RHBDL3: variants seen among roughly 807,000 people sequenced by gnomAD.
The protein encoded by RHBDL3 is rhomboid like 3.
RHBDL3 carries 28 observed loss-of-function variants against 48.2 expected under a neutral mutation model. The observed-to-expected ratio is 0.58, with a 90% CI of 0.43 to 0.80. The LOEUF (loss-of-function observed/expected upper bound fraction) is 0.80, where lower values mean the gene tolerates loss of function less well. RHBDL3 is among the 30% of genes least tolerant of loss of function. The pLI is 0.00. For missense variants in RHBDL3, 464 were observed against 542.7 expected (o/e 0.85, Z 1.44); for synonymous variants, 208 against 232.3 (o/e 0.90, Z 0.95).
chr17:32,266,217 G>T lies in RHBDL3; in HGVS notation c.28G>T (p.Ala10Ser). The T allele has an allele frequency of 3.5e-6, 5 of 1,414,592 alleles. No individual in the cohort carries two copies. Among genetic ancestry groups the T allele is most frequent in the Non-Finnish European group, 4.6e-6 (5 of 1,090,004 alleles). The allele number at this position is 1,414,592 out of a possible 1,614,324, so 87.6% of individuals were successfully genotyped here. The part of the protein sequence containing the change: MGEHPSPGP[A>S]VAACAEAERI... ...GGGCGAGCACCCCAGCCCGGGCCCC[G>T]CGGTGGCCGCCTGCGCCGAGGCGGA... is the stretch of plus-strand genomic sequence containing the variant. Residue 10 changes from alanine to serine, a missense_variant, in exon 1 of 9, where the codon GCG becomes TCG. Physicochemically the swap from Ala to Ser is moderately conservative, Grantham distance 99. Transcript: ENST00000269051.
chr17:32,318,097 T>A (rs968247411), intron 8 of RHBDL3, among the ~76,000 whole-genome samples: 26 of 151,824 alleles, frequency 1.7e-4, no homozygotes, highest in Admixed American at 2.6e-4. Flanking sequence ...CTTGCGCCTG[T>A]AGTCCTAGCT....
chr17:32,291,380 A>G (rs2040324732), intron 4 of RHBDL3, among the ~76,000 whole-genome samples: 2 of 151,586 alleles, frequency 1.3e-5, no homozygotes, highest in African/African-American at 2.4e-5. Flanking sequence ...CCTTGAGTGT[A>G]TGAGCAAAAA....
At chr17:32,312,161 T>G (rs1453766533) in intron 7 of RHBDL3, among the ~76,000 whole-genome samples, 3 of 152,208 alleles carry the variant, frequency 2.0e-5, no homozygotes, top group African/African-American at 7.2e-5. Flanking sequence ...TAGGCCAGGC[T>G]TGGTGGCTCA....
At chr17:32,281,842 G>C (rs2040059499) in intron 2 of RHBDL3, among the ~76,000 whole-genome samples, 1 of 152,184 alleles carries the variant, frequency 6.6e-6, no homozygotes, top group African/African-American at 2.4e-5. Flanking sequence ...CACCTATTTG[G>C]TCCTTAAATT....
intron 1 of RHBDL3, 169 bp from the exon 2 acceptor site, chr17:32,267,733 C>A: frequency 6.8e-7 from 1 of 1,479,752 alleles, no homozygotes; most frequent in Non-Finnish European, 8.9e-7. Flanking sequence ...GAGCTCCTCC[C>A]AGACTTCCCC....
chr17:32,280,101 C>T (rs1025810768), intron 2 of RHBDL3, among the ~76,000 whole-genome samples: 2 of 152,166 alleles, frequency 1.3e-5, no homozygotes, highest in Admixed American at 1.3e-4. Flanking sequence ...CTGTGTCTTC[C>T]GCTCAGGCTG....
chr17:32,316,839 A>T (rs1010960668), intron 8 of RHBDL3, among the ~76,000 whole-genome samples: 7 of 148,900 alleles, frequency 4.7e-5, no homozygotes, highest in South Asian at 2.1e-4. Context: ...TTTATTTTAT[A>T]TTTTATTTTA....
Position 32,316,030 on chromosome 17 carries a change from A to G in RHBDL3, c.883-202A>G, listed in dbSNP as rs182828107. 9.5e-3 allele frequency among the ~76,000 whole-genome samples: 1,445 copies of G among 152,216 alleles called. 28 individuals carry two copies. Among genetic ancestry groups the G allele is most frequent in the African/African-American group, 0.033 (1,364 of 41,520 alleles). ...TGGAGTCCCTTCCTCTTGTTAGTCCAGCTCAAGAACTCTTATGACGGGAGT... is the reference window on the plus strand; with the variant it reads ...TGGAGTCCCTTCCTCTTGTTAGTCCGGCTCAAGAACTCTTATGACGGGAGT... On this transcript the variant is annotated intron_variant, in intron 7 of 8. Transcript: ENST00000269051.
chr17:32,306,127 C>G (rs2040706025), intron 7 of RHBDL3, among the ~76,000 whole-genome samples: 1 of 152,098 alleles, frequency 6.6e-6, no homozygotes, highest in African/African-American at 2.4e-5. Flanking sequence ...GACAACCATT[C>G]AAGAGTCATT....
chr17:32,308,551 G>A (rs536735953), intron 7 of RHBDL3, among the ~76,000 whole-genome samples: 3 of 152,112 alleles, frequency 2.0e-5, no homozygotes, highest in East Asian at 1.9e-4. Flanking sequence ...GAGAGGCAGC[G>A]GGCAGTGAGC....
chr17:32,305,619 G>A (rs1257116280), intron 7 of RHBDL3, among the ~76,000 whole-genome samples, 178 bp downstream of exon 7: 4 of 152,120 alleles, frequency 2.6e-5, no homozygotes, highest in South Asian at 4.1e-4. Context: ...TTCCAGATGC[G>A]ATTCCTATTT....
chr17:32,267,655 G>GCGGGCCC, intron 1 of RHBDL3: 1 of 306,120 alleles, frequency 3.3e-6, no homozygotes, highest in Non-Finnish European at 5.7e-6. Flanking sequence ...CACCCACCTT[G>GCGGGCCC]CCGCCCCCGC....
intron 8 of RHBDL3, 31 bp downstream of exon 8, chr17:32,316,323 A>C: frequency 6.4e-7 from 1 of 1,567,538 alleles, no homozygotes; most frequent in South Asian, 1.1e-5. Flanking sequence ...GGGGAACCAA[A>C]GCCTGGCACC....
At chr17:32,279,531 AGACCCAAAT>A (rs1333530600) in intron 2 of RHBDL3, among the ~76,000 whole-genome samples, 3 of 152,178 alleles carry the variant, frequency 2.0e-5, no homozygotes. Flanking sequence ...CTGACAGCAC[AGACCCAAAT>A]GACCCCGGCC....
chr17:32,292,484 T>TC (rs1436952091), intron 4 of RHBDL3, among the ~76,000 whole-genome samples: 1 of 152,134 alleles, frequency 6.6e-6, no homozygotes, highest in Non-Finnish European at 1.5e-5. Flanking sequence ...AACCCAAGTG[T>TC]CCATCGGTAG....
intron 7 of RHBDL3, among the ~76,000 whole-genome samples, chr17:32,315,924 C>T (rs567388274): frequency 2.0e-5 from 3 of 151,940 alleles, no homozygotes; most frequent in African/African-American, 7.2e-5. Flanking sequence ...TCCTTTGCAA[C>T]CGTGGAGCTC....
intron 2 of RHBDL3, among the ~76,000 whole-genome samples, chr17:32,270,841 T>G (rs2039755293): frequency 6.6e-6 from 1 of 152,160 alleles, no homozygotes; most frequent in Non-Finnish European, 1.5e-5. Flanking sequence ...TCCTAAATAT[T>G]TAAGTAGATT....
chr17:32,289,475 C>G (rs960866920), intron 4 of RHBDL3, among the ~76,000 whole-genome samples: 3 of 152,208 alleles, frequency 2.0e-5, no homozygotes, highest in African/African-American at 7.2e-5. Context: ...TTCCCTCTCC[C>G]AGGACACCTT....
At chr17:32,266,355 C>A in intron 1 of RHBDL3, 55 bp downstream of exon 1, 2 of 960,944 alleles carry the variant, frequency 2.1e-6, no homozygotes, top group Non-Finnish European at 1.5e-6. Context: ...GGGGGAAAAG[C>A]CGCCCCTGTC....
Sources: gnomAD v4.1 joint callset for allele counts (sites outside exome capture counted in the v4.1 genomes callset) on GRCh38, gnomAD v4.1.1 for gene constraint, MANE v1.5 for transcripts, NCBI Gene and HGNC (gene_info 2026-07-23, HGNC 2026-07-21) for gene names.